ADAMTS6: variants seen among roughly 807,000 people sequenced by gnomAD.
ADAMTS6 encodes the protein A disintegrin and metalloproteinase with thrombospondin motifs 6.
Under a neutral mutation model 144.3 loss-of-function variants are expected in ADAMTS6, and 23 were observed. That is an observed-to-expected ratio of 0.16 (90% CI 0.11 to 0.23). ADAMTS6 has a LOEUF of 0.23. Among genes scored for constraint, ADAMTS6 ranks in the 10% least tolerant of loss-of-function variants. ADAMTS6 has a pLI of 1.00. For synonymous variants in ADAMTS6, 444 were observed against 457.5 expected (o/e 0.97, Z 0.38); for missense variants, 999 against 1,379.6 (o/e 0.72, Z 4.37).
intron 15 of ADAMTS6, 126 bp downstream of exon 15, chr5:65,241,978 T>C (rs1343429685): frequency 1.1e-5 from 6 of 525,176 alleles, no homozygotes; most frequent in Non-Finnish European, 1.8e-5. Flanking sequence ...TTTCCCTGCT[T>C]TTGTTGGCAA....
At chr5:65,196,455 A>G (rs112247991) in intron 21 of ADAMTS6, among the ~76,000 whole-genome samples, 1,685 of 138,108 alleles carry the variant, frequency 0.012, 16 homozygotes, top group Non-Finnish European at 0.017. Context: ...CCCTGGAGGC[A>G]GAGCTTGCAG....
chr5:65,240,531 G>A (rs971173610), intron 15 of ADAMTS6, among the ~76,000 whole-genome samples: 10 of 152,108 alleles, frequency 6.6e-5, no homozygotes, highest in African/African-American at 2.4e-4. Context: ...ATTTGAAGAT[G>A]AGGCCTTTGG....
rs563937050 is a variant in ADAMTS6 at position 65,236,032 on chromosome 5, C to T, written c.1933+6072G>A. Among the ~76,000 whole-genome samples, 201 of 151,952 alleles carry T rather than the reference C, an allele frequency of 1.3e-3. 1 individual carries two copies. The highest frequency in any genetic ancestry group is 4.7e-3 in the African/African-American group (193 of 41,456). On this transcript the variant is annotated intron_variant, in intron 15 of 24. Coordinates refer to ENST00000381055, the MANE Select transcript of ADAMTS6 (RefSeq NM_197941.4). ...CAAAACAATCCCAAAGGTATATGCA[C>T]CTAATAAAAAAGATTCAAATACATG...
intron 24 of ADAMTS6, among the ~76,000 whole-genome samples, chr5:65,169,745 A>G (rs1050029475): frequency 6.6e-6 from 1 of 151,756 alleles, no homozygotes; most frequent in African/African-American, 2.4e-5. Flanking sequence ...AGGGACATGG[A>G]TGAAATTGGA....
At chr5:65,238,056 A>C (rs1758832702) in intron 15 of ADAMTS6, among the ~76,000 whole-genome samples, 1 of 151,976 alleles carries the variant, frequency 6.6e-6, no homozygotes, top group Non-Finnish European at 1.5e-5. Context: ...ACTGCACTCC[A>C]GCCTTGGCAA....
intron 22 of ADAMTS6, among the ~76,000 whole-genome samples, chr5:65,178,261 C>T (rs1277082484): frequency 4.6e-5 from 7 of 152,276 alleles, no homozygotes; most frequent in East Asian, 1.9e-4. Context: ...AATAAGACAT[C>T]GTGCGAGAAA....
chr5:65,167,976 G>C (rs866360051), intron 24 of ADAMTS6, among the ~76,000 whole-genome samples: 7,425 of 130,016 alleles, frequency 0.057, 725 homozygotes, highest in African/African-American at 0.21. Flanking sequence ...ACTGGCACAA[G>C]ACAGGGATGC....
chr5:65,305,327 G>A (rs1743829126), intron 9 of ADAMTS6, among the ~76,000 whole-genome samples: 1 of 152,112 alleles, frequency 6.6e-6, no homozygotes, highest in African/African-American at 2.4e-5. Flanking sequence ...ATTTTACGAG[G>A]ATACATAGGG....
intron 7 of ADAMTS6, among the ~76,000 whole-genome samples, chr5:65,390,814 T>C (rs1447562434): frequency 2.0e-5 from 3 of 152,232 alleles, no homozygotes; most frequent in African/African-American, 4.8e-5. Flanking sequence ...CATCATATTG[T>C]TCACTTTGGT....
intron 15 of ADAMTS6, among the ~76,000 whole-genome samples, chr5:65,229,418 T>C (rs1757967874): frequency 6.6e-6 from 1 of 152,024 alleles, no homozygotes; most frequent in Admixed American, 6.6e-5. Context: ...GAAAACATGA[T>C]ACCACCAAAG....
In ADAMTS6 at chr5:65,442,321, T is replaced by C. The variant is rs1048622977; in HGVS notation, c.1073+9154A>G. On this transcript the variant is annotated intron_variant, in intron 7 of 24. Coordinates refer to ENST00000381055, the MANE Select transcript of ADAMTS6 (RefSeq NM_197941.4). Reference sequence around the variant, plus strand: ...CACTTGGAAAAAATAAACATATTCCTTGAAATACTCAAACTACCAAAGCTC... The same window carrying C: ...CACTTGGAAAAAATAAACATATTCCCTGAAATACTCAAACTACCAAAGCTC... Among the ~76,000 whole-genome samples the C allele has an allele frequency of 1.6e-4, 24 of 152,070 alleles. 1 individual carries two copies. The highest frequency in any genetic ancestry group is 7.4e-5 in the Non-Finnish European group (5 of 68,000).
At chr5:65,425,308 G>A (rs967561981) in intron 7 of ADAMTS6, among the ~76,000 whole-genome samples, 2 of 152,132 alleles carry the variant, frequency 1.3e-5, no homozygotes, top group Admixed American at 1.3e-4. Flanking sequence ...GATTACATGC[G>A]TGAGCCACTG....
intron 7 of ADAMTS6, among the ~76,000 whole-genome samples, chr5:65,375,291 A>C (rs1356343188): frequency 6.6e-6 from 1 of 152,166 alleles, no homozygotes; most frequent in Admixed American, 6.5e-5. Flanking sequence ...GCTTCTGCAC[A>C]GCAAAAGAAA....
intron 24 of ADAMTS6, among the ~76,000 whole-genome samples, chr5:65,156,981 A>G (rs554100482): frequency 7.9e-5 from 12 of 152,356 alleles, no homozygotes; most frequent in Admixed American, 1.3e-4. Context: ...AAGAAAAGTT[A>G]CACTTTACCC....
At chr5:65,264,124 TCTA>T (rs1229556540) in intron 12 of ADAMTS6, among the ~76,000 whole-genome samples, 1 of 152,180 alleles carries the variant, frequency 6.6e-6, no homozygotes, top group African/African-American at 2.4e-5. Context: ...TCATTGTGCT[TCTA>T]CTTTTTTCTC....
chr5:65,325,380 A>G lies in ADAMTS6; in HGVS notation c.1223+3998T>C, dbSNP rs563030047. Among the ~76,000 whole-genome samples the G allele has an allele frequency of 7.9e-5, 12 of 152,302 alleles. No individual in the cohort carries two copies. The South Asian group carries it at 1.5e-3, about 18-fold the overall frequency. On this transcript the variant is annotated intron_variant, in intron 9 of 24. Coordinates refer to ENST00000381055, the MANE Select transcript of ADAMTS6 (RefSeq NM_197941.4). Reference sequence around the variant, plus strand: ...TCCTAATTCATTTTATAAAACTAACATTAAAACTCATCTCCTAACTAATCT... The same window carrying G: ...TCCTAATTCATTTTATAAAACTAACGTTAAAACTCATCTCCTAACTAATCT...
At chr5:65,201,254 G>A (rs1005094826) in intron 20 of ADAMTS6, among the ~76,000 whole-genome samples, 2 of 152,130 alleles carry the variant, frequency 1.3e-5, no homozygotes, top group Non-Finnish European at 2.9e-5. Flanking sequence ...AGAGACCATC[G>A]CTCTTCTTCA....
chr5:65,307,505 G>T (rs1744045887), intron 9 of ADAMTS6, among the ~76,000 whole-genome samples: 1 of 152,132 alleles, frequency 6.6e-6, no homozygotes, highest in African/African-American at 2.4e-5. Context: ...GGATCCAGAG[G>T]ATCTGCCATG....
Position 65,148,773 on chromosome 5 carries a change from T to G in ADAMTS6, c.*3063A>C, listed in dbSNP as rs972918257. The G allele has an allele frequency of 2.6e-5, 4 of 152,478 alleles. No homozygotes were observed. Among genetic ancestry groups the G allele is most frequent in the Non-Finnish European group, 5.9e-5 (4 of 68,034 alleles). 9.4% of individuals were successfully genotyped at this position (152,478 alleles called of 1,614,324 possible). On this transcript the variant is annotated 3_prime_UTR_variant, in exon 25 of 25. Coordinates refer to ENST00000381055, the MANE Select transcript of ADAMTS6 (RefSeq NM_197941.4). ...AAGCTGAATTTTTATTTTACTAAAT[T>G]ATCTATGTCAAAAAAATTCTGTGCC...
Sources: allele counts gnomAD v4.1 joint callset (sites outside exome capture counted in the v4.1 genomes callset), GRCh38; gene constraint gnomAD v4.1.1; transcripts MANE v1.5; gene names NCBI Gene and HGNC (gene_info 2026-07-23, HGNC 2026-07-21).